The following RBPMS variants were observed in gnomAD, a reference collection of about 807,000 sequenced individuals.
The protein encoded by RBPMS is RNA-binding protein with multiple splicing.
RBPMS carries 7 observed loss-of-function variants against 26.8 expected under a neutral mutation model. The observed-to-expected ratio is 0.26, with a 90% CI of 0.15 to 0.49. RBPMS has a LOEUF of 0.49. RBPMS is among the 20% of genes least tolerant of loss of function. The pLI is 0.98. For synonymous variants in RBPMS, 96 were observed against 93.3 expected (o/e 1.03, Z -0.17); for missense variants, 186 against 250.0 (o/e 0.74, Z 1.73).
At chr8:30,392,884 G>T (rs534758196) in intron 1 of RBPMS, among the ~76,000 whole-genome samples, 69 of 152,290 alleles carry the variant, frequency 4.5e-4, no homozygotes, top group African/African-American at 1.6e-3. Flanking sequence ...CAGAGGAGAG[G>T]TCTGATCTTG....
intron 1 of RBPMS, chr8:30,387,016 G>A (rs1042241466): frequency 5.3e-5 from 8 of 152,074 alleles, no homozygotes; most frequent in Admixed American, 3.9e-4. Flanking sequence ...ACGCTCCTCC[G>A]TCCTTGTGAG....
chr8:30,384,686 GC>G lies in RBPMS; in HGVS notation c.-402del, dbSNP rs1806785570. ...CCGTCCCCTCCTTCCAGCGGCTGCA[GC>G]CCCCAGCCCCAACTCTCCGCGCTTA... On this transcript the variant is annotated 5_prime_UTR_variant, in exon 1 of 9. Transcript: ENST00000397323. This position sits in a 1 kb window ranked among gnomAD's most constrained non-coding sequence, Gnocchi z 5.6. 6.1e-6 allele frequency: 1 copy of G among 164,152 alleles called. No homozygotes were observed. The highest frequency in any genetic ancestry group is 1.3e-5 in the Non-Finnish European group (1 of 76,066). 10.2% of individuals were successfully genotyped at this position (164,152 alleles called of 1,614,324 possible). A position where few individuals can be genotyped will look rare whatever the true frequency, so the allele number is the denominator to read the frequency against.
intron 5 of RBPMS, among the ~76,000 whole-genome samples, chr8:30,511,377 T>C (rs1350054581): frequency 1.3e-5 from 2 of 150,882 alleles, no homozygotes; most frequent in Non-Finnish European, 2.9e-5. Context: ...ATCCTAGCAC[T>C]TTGGGAGGCC....
intron 1 of RBPMS, among the ~76,000 whole-genome samples, chr8:30,433,067 C>T (rs959944403): frequency 2.0e-5 from 3 of 152,192 alleles, no homozygotes; most frequent in African/African-American, 7.2e-5. Context: ...ACCAGATAAA[C>T]TGTCCTACAG....
intron 1 of RBPMS, among the ~76,000 whole-genome samples, chr8:30,410,945 G>T (rs561475894): frequency 2.0e-5 from 3 of 152,080 alleles, no homozygotes; most frequent in Admixed American, 2.0e-4. Flanking sequence ...TTGCTACTTT[G>T]CCCAGGTTGG....
rs368603810 is a variant in RBPMS at position 30,418,541 on chromosome 8, G to T, written c.66+33383G>T. ...TTATCTTTTGTCTATTTTTCTGTTA[G>T]ATTGCATTTTTGATTTTGTAGGCAC... On this transcript the variant is annotated intron_variant, in intron 1 of 8. Coordinates refer to ENST00000397323, the MANE Select transcript of RBPMS (RefSeq NM_001008710.3). 4.6e-5 allele frequency among the ~76,000 whole-genome samples: 7 copies of T among 152,184 alleles called. No homozygotes were observed. In the East Asian group the frequency reaches 1.2e-3, roughly 25 times the overall value.
At chr8:30,481,592 T>C (rs1208341593) in intron 4 of RBPMS, among the ~76,000 whole-genome samples, 1 of 152,112 alleles carries the variant, frequency 6.6e-6, no homozygotes, top group Non-Finnish European at 1.5e-5. Flanking sequence ...CACTGTCCTC[T>C]CCTTTAATCA....
At chr8:30,561,695 G>C (rs113364397) in intron 7 of RBPMS, among the ~76,000 whole-genome samples, 1 of 152,300 alleles carries the variant, frequency 6.6e-6, no homozygotes, top group Non-Finnish European at 1.5e-5. Flanking sequence ...GGCCACTTCT[G>C]TCAGTCAGAT....
At chr8:30,473,390 A>G (rs147729227) in intron 1 of RBPMS, among the ~76,000 whole-genome samples, 1 of 152,224 alleles carries the variant, frequency 6.6e-6, no homozygotes, top group African/African-American at 2.4e-5. Flanking sequence ...CACTAAGCAC[A>G]TAGTGTGTAC....
chr8:30,491,218 T>G (rs1819353873), intron 4 of RBPMS, among the ~76,000 whole-genome samples: 1 of 152,214 alleles, frequency 6.6e-6, no homozygotes, highest in Non-Finnish European at 1.5e-5. Context: ...TTATCCTTAG[T>G]GAAATAAAGG....
At chr8:30,431,966 T>TA (rs923928887) in intron 1 of RBPMS, among the ~76,000 whole-genome samples, 15 of 147,084 alleles carry the variant, frequency 1.0e-4, no homozygotes, top group Middle Eastern at 3.6e-3. Context: ...ACAAAAACAT[T>TA]AAAAAAAAAA....
intron 6 of RBPMS, among the ~76,000 whole-genome samples, chr8:30,551,807 T>C (rs1826408517): frequency 6.6e-6 from 1 of 152,224 alleles, no homozygotes; most frequent in South Asian, 2.1e-4. Flanking sequence ...CTACCCACTC[T>C]GCTAAATTTG....
intron 8 of RBPMS, among the ~76,000 whole-genome samples, chr8:30,568,818 G>T (rs1828069495): frequency 6.6e-6 from 1 of 151,762 alleles, no homozygotes; most frequent in African/African-American, 2.4e-5. Flanking sequence ...TGTTTACAGG[G>T]ACTGAAATAG....
At chr8:30,488,429 G>A (rs968418250) in intron 4 of RBPMS, among the ~76,000 whole-genome samples, 3 of 152,128 alleles carry the variant, frequency 2.0e-5, no homozygotes, top group Non-Finnish European at 4.4e-5. Context: ...TTGAATAGAA[G>A]GCAGAAAAGG....
chr8:30,504,810 A>G (rs1315627315), intron 5 of RBPMS, among the ~76,000 whole-genome samples: 1 of 152,200 alleles, frequency 6.6e-6, no homozygotes, highest in Non-Finnish European at 1.5e-5. Flanking sequence ...GTTGAAGGAC[A>G]TCAGCTCGGT....
chr8:30,478,560 C>T (rs903398996), intron 3 of RBPMS, among the ~76,000 whole-genome samples: 4 of 147,970 alleles, frequency 2.7e-5, no homozygotes, highest in South Asian at 2.1e-4. Context: ...AGTGCAGTGG[C>T]GCGATCTCGG....
At chr8:30,532,407 T>C (rs951189103) in intron 5 of RBPMS, among the ~76,000 whole-genome samples, 1 of 152,242 alleles carries the variant, frequency 6.6e-6, no homozygotes, top group African/African-American at 2.4e-5. Context: ...TAATGTCAGT[T>C]ACTAATGTTA....
intron 1 of RBPMS, among the ~76,000 whole-genome samples, chr8:30,429,828 T>C (rs1811737858): frequency 6.6e-6 from 1 of 152,228 alleles, no homozygotes; most frequent in African/African-American, 2.4e-5. Flanking sequence ...TTGTGACTGT[T>C]TAATTTTTAA....
intron 1 of RBPMS, among the ~76,000 whole-genome samples, chr8:30,472,043 C>T (rs1585580981): frequency 6.6e-6 from 1 of 152,118 alleles, no homozygotes; most frequent in East Asian, 1.9e-4. Context: ...CATATATAGG[C>T]ATTCCACTTC....
Sources: gnomAD v4.1 joint callset for allele counts (sites outside exome capture counted in the v4.1 genomes callset) on GRCh38, gnomAD v4.1.1 for gene constraint, Gnocchi (gnomAD v3.1) non-coding constraint, MANE v1.5 for transcripts, NCBI Gene and HGNC (gene_info 2026-07-23, HGNC 2026-07-21) for gene names.